Variants in C5orf58 observed in about 807,000 individuals in gnomAD.
The protein encoded by C5orf58 is putative uncharacterized protein C5orf58.
In C5orf58, 2 loss-of-function variants were observed where a neutral mutation model predicts 2.9. That is an observed-to-expected ratio of 0.69 (90% CI 0.28 to 2.18). C5orf58 has a LOEUF of 2.18. Among genes scored for constraint, C5orf58 ranks in the 30% most tolerant of loss-of-function variants. The pLI is 0.13. For synonymous variants in C5orf58, 37 were observed against 33.4 expected, an observed-to-expected ratio of 1.11 and a Z score of -0.37; for missense variants, 96 against 91.7, an observed-to-expected ratio of 1.05 and a Z score of -0.19.
At chr5:170,234,893 A>T (rs1485565076) in intron 2 of C5orf58, 84 bp from the exon 3 acceptor site, 6 of 584,062 alleles carry the variant, frequency 1.0e-5, no homozygotes, top group Admixed American at 7.9e-5. Context: ...TAACAGATTT[A>T]TAGAAATACT....
chr5:170,245,290 G>C (rs543145676), intron 3 of C5orf58, among the ~76,000 whole-genome samples: 3,878 of 152,318 alleles, frequency 0.025, 166 homozygotes, highest in African/African-American at 0.088. Flanking sequence ...TTGAGCTGTG[G>C]TGGGCTCCAC....
intron 3 of C5orf58, among the ~76,000 whole-genome samples, chr5:170,243,908 G>T (rs1365080364): frequency 5.5e-5 from 8 of 144,984 alleles, no homozygotes; most frequent in Non-Finnish European, 1.1e-4. Flanking sequence ...ATTTTGCAGC[G>T]GCTGGTACCA....
At chr5:170,242,937 A>C (rs1761085176) in intron 3 of C5orf58, among the ~76,000 whole-genome samples, 1 of 137,056 alleles carries the variant, frequency 7.3e-6, no homozygotes, top group Admixed American at 7.2e-5. Context: ...TTCCCTCTAC[A>C]CACTGCTTTG....
At chr5:170,249,183 G>A (rs1032974731), downstream of C5orf58, among the ~76,000 whole-genome samples, 1 of 151,894 alleles carries the variant, frequency 6.6e-6, no homozygotes, top group Admixed American at 6.6e-5. Context: ...ATATTAGCTG[G>A]GCGTGCTGGT....
At chr5:170,234,863 T>C (rs1760674957) in intron 2 of C5orf58, 114 bp from the exon 3 acceptor site, 1 of 534,058 alleles carries the variant, frequency 1.9e-6, no homozygotes, top group Non-Finnish European at 3.3e-6. Context: ...TAAAGATTTG[T>C]TTCATAATTA....
intron 3 of C5orf58, among the ~76,000 whole-genome samples, chr5:170,235,732 C>T (rs1760714011): frequency 6.6e-6 from 1 of 152,164 alleles, no homozygotes; most frequent in African/African-American, 2.4e-5. Flanking sequence ...CTATTTCTAA[C>T]CATGAAAACT....
chr5:170,249,640 C>A (rs893409937), downstream of C5orf58, among the ~76,000 whole-genome samples: 1 of 152,040 alleles, frequency 6.6e-6, no homozygotes, highest in Admixed American at 6.6e-5. Context: ...CCTTCATGAT[C>A]TCTCTGCTGT....
At chr5:170,245,420 G>GCGAGACTC (rs1479291609) in intron 3 of C5orf58, among the ~76,000 whole-genome samples, 3 of 152,170 alleles carry the variant, frequency 2.0e-5, no homozygotes, top group African/African-American at 7.2e-5. Context: ...CTAGCAATCA[G>GCGAGACTC]CGAGACTCCG....
chr5:170,235,105 T>A (rs1760689592), intron 3 of C5orf58, 35 bp downstream of exon 3: 1 of 1,112,204 alleles, frequency 9.0e-7, no homozygotes, highest in Non-Finnish European at 1.3e-6. Context: ...TTGCATGTCA[T>A]TGTTATAAAA....
chr5:170,234,016 G>T, intron 1 of C5orf58, 99 bp from the exon 2 acceptor site: 1 of 539,850 alleles, frequency 1.9e-6, no homozygotes, highest in Non-Finnish European at 3.3e-6. Context: ...CTTGACTCTT[G>T]GTTTGGCATG....
At chr5:170,251,948 C>A in exon 3 of C5orf58, 1 of 248,672 alleles carries the variant, frequency 4.0e-6, no homozygotes, top group East Asian at 8.3e-5. Flanking sequence ...AGTTTCGGCA[C>A]TGGCTACGGG....
chr5:170,250,939 T>G, downstream of C5orf58: 1 of 1,500,526 alleles, frequency 6.7e-7, no homozygotes, highest in South Asian at 1.2e-5. Context: ...ATATTTTTGT[T>G]GCTTGTAAGA....
At chr5:170,250,911 T>C (rs1281596313), downstream of C5orf58, 4 of 1,605,266 alleles carry the variant, frequency 2.5e-6, no homozygotes, top group African/African-American at 1.3e-5. Flanking sequence ...CCTGTTATTA[T>C]GGGAGCAGTA....
At chr5:170,250,585 C>A (rs1342599952), downstream of C5orf58, 1 of 650,708 alleles carries the variant, frequency 1.5e-6, no homozygotes, top group Admixed American at 3.1e-5. Context: ...TGCTTTATTT[C>A]TCTTCCAATA....
downstream of C5orf58, chr5:170,248,451 T>C (rs1761348693): frequency 2.7e-6 from 1 of 367,766 alleles, no homozygotes; most frequent in Non-Finnish European, 5.0e-6. Context: ...ATTATTACAG[T>C]GCACTACTAG....
In C5orf58 at chr5:170,235,073, A is replaced by T; in HGVS notation, c.94+3A>T. ...TTCGGAGTTGAAGAAGATAAAAGGTAAGTATTGAATCACTAAAATGTTTGC... is the reference window on the plus strand; with the variant it reads ...TTCGGAGTTGAAGAAGATAAAAGGTTAGTATTGAATCACTAAAATGTTTGC... On this transcript the variant is annotated splice_donor_region_variant and intron_variant, in intron 3 of 3. Coordinates refer to ENST00000593851, the MANE Select transcript of C5orf58 (RefSeq NM_001102609.3). The T allele has an allele frequency of 7.4e-7, 1 of 1,357,566 alleles. No homozygotes were observed. Among genetic ancestry groups the T allele is most frequent in the Non-Finnish European group, 1.0e-6 (1 of 968,210 alleles). 84.1% of individuals were successfully genotyped at this position (1,357,566 alleles called of 1,614,324 possible).
At position 170,244,850 on chromosome 5, in the gene C5orf58, G is replaced by A. The variant is rs1460475334; in HGVS notation, c.95-1112G>A. Reference sequence around the variant, plus strand: ...AACTGTGTTCCTTTGGAGGAGGAGAGGCGCTCTGCGTTTTAGAGTTTCCAG... The same window carrying A: ...AACTGTGTTCCTTTGGAGGAGGAGAAGCGCTCTGCGTTTTAGAGTTTCCAG... On this transcript the variant is annotated intron_variant, in intron 3 of 3. Transcript: ENST00000593851. Among the ~76,000 whole-genome samples, 3 of 152,150 alleles carry A rather than the reference G, an allele frequency of 2.0e-5. No homozygotes were observed. In the East Asian group the frequency reaches 5.8e-4, roughly 29 times the overall value.
chr5:170,251,547 G>T, intron 2 of C5orf58: 1 of 420,660 alleles, frequency 2.4e-6, no homozygotes, highest in Non-Finnish European at 4.9e-6. Flanking sequence ...AATTGGTAAG[G>T]ACTCCTTTAA....
chr5:170,234,125 G>A lies in C5orf58; in HGVS notation c.-74G>A. ...GGGAAACAAAATTAGTTTTTTTACA[G>A]TGGCTCTGAAATGAGAGAAATTGCA... On this transcript the variant is annotated 5_prime_UTR_variant, in exon 2 of 4. It adds an upstream start codon to the 5' untranslated region. Coordinates refer to ENST00000593851, the MANE Select transcript of C5orf58 (RefSeq NM_001102609.3). The A allele has an allele frequency of 7.3e-7, 1 of 1,367,410 alleles. No homozygotes were observed. Among genetic ancestry groups the A allele is most frequent in the South Asian group, 1.1e-5 (1 of 88,038 alleles). 84.7% of individuals were successfully genotyped at this position (1,367,410 alleles called of 1,614,324 possible). A position where few individuals can be genotyped will look rare whatever the true frequency, so the allele number is the denominator to read the frequency against.
Sources: allele counts gnomAD v4.1 joint callset (sites outside exome capture counted in the v4.1 genomes callset), GRCh38; gene constraint gnomAD v4.1.1; transcripts MANE v1.5; gene names NCBI Gene and HGNC (gene_info 2026-07-23, HGNC 2026-07-21).